Variants in SERGEF observed in about 807,000 individuals in gnomAD.
SERGEF encodes secretion-regulating guanine nucleotide exchange factor.
Under a neutral mutation model 50.0 loss-of-function variants are expected in SERGEF, and 51 were observed. The observed-to-expected ratio is 1.02, with a 90% CI of 0.81 to 1.29. The LOEUF (loss-of-function observed/expected upper bound fraction) is 1.29. Ranked by LOEUF, SERGEF falls within the 50% of genes most tolerant of loss-of-function variation. The pLI, the probability that SERGEF is intolerant of heterozygous loss-of-function variation, is 0.00. For synonymous variants in SERGEF, 205 were observed against 212.4 expected, an observed-to-expected ratio of 0.97 and a Z score of 0.30; for missense variants, 521 against 557.0, an observed-to-expected ratio of 0.94 and a Z score of 0.65.
At chr11:18,003,254 T>A (rs1418606020) in intron 4 of SERGEF, among the ~76,000 whole-genome samples, 1 of 152,208 alleles carries the variant, frequency 6.6e-6, no homozygotes, top group Non-Finnish European at 1.5e-5. Flanking sequence ...TCATTTTTGA[T>A]TCAAGCATAT....
chr11:17,885,061 C>T (rs1851403417), intron 9 of SERGEF, among the ~76,000 whole-genome samples: 1 of 152,218 alleles, frequency 6.6e-6, no homozygotes, highest in African/African-American at 2.4e-5. Flanking sequence ...TCCTCCTCCT[C>T]TGATACTCTC....
intron 10 of SERGEF, among the ~76,000 whole-genome samples, chr11:17,831,915 C>T (rs1850315476): frequency 6.6e-6 from 1 of 152,176 alleles, no homozygotes; most frequent in East Asian, 1.9e-4. Flanking sequence ...CATCTCAAGG[C>T]TCTCCCTGAC....
At chr11:17,851,360 C>G (rs1332335183) in intron 10 of SERGEF, among the ~76,000 whole-genome samples, 2 of 152,120 alleles carry the variant, frequency 1.3e-5, no homozygotes, top group African/African-American at 4.8e-5. Context: ...AACCACATTC[C>G]TACTTACCAG....
chr11:17,793,033 GGTCCCACCTTACCACACAACT>G (rs1195879150), intron 10 of SERGEF, among the ~76,000 whole-genome samples: 1 of 152,158 alleles, frequency 6.6e-6, no homozygotes, highest in African/African-American at 2.4e-5. Context: ...ATGCTGTCCT[GGTCCCACCTTACCACACAACT>G]GTGTGATAAT....
intron 7 of SERGEF, 117 bp from the exon 8 acceptor site, chr11:17,988,872 A>C (rs1205530667): frequency 1.0e-6 from 1 of 981,864 alleles, no homozygotes; most frequent in Non-Finnish European, 1.5e-6. Context: ...CTTAGACTAC[A>C]AGGTTGAGTG....
At chr11:17,944,074 C>A (rs1565211532) in intron 9 of SERGEF, among the ~76,000 whole-genome samples, 1 of 152,220 alleles carries the variant, frequency 6.6e-6, no homozygotes, top group Non-Finnish European at 1.5e-5. Flanking sequence ...ACTACAGGCA[C>A]GTGCCACCAT....
chr11:17,965,141 G>A (rs552440817), intron 8 of SERGEF, among the ~76,000 whole-genome samples: 23 of 152,318 alleles, frequency 1.5e-4, no homozygotes, highest in African/African-American at 5.5e-4. Context: ...GACCTGGTGG[G>A]AGGTAATTGA....
At chr11:17,831,408 G>C (rs1204790584) in intron 10 of SERGEF, among the ~76,000 whole-genome samples, 1 of 152,190 alleles carries the variant, frequency 6.6e-6, no homozygotes, top group African/African-American at 2.4e-5. Context: ...CACAGGATGG[G>C]AGGCAAGTCA....
At chr11:17,975,293 A>G (rs992769813) in intron 8 of SERGEF, among the ~76,000 whole-genome samples, 4 of 152,198 alleles carry the variant, frequency 2.6e-5, no homozygotes, top group African/African-American at 9.7e-5. Context: ...GGATTAAACA[A>G]ATGTTTGTAA....
intron 9 of SERGEF, among the ~76,000 whole-genome samples, chr11:17,887,352 A>C (rs936229621): frequency 6.6e-6 from 1 of 152,192 alleles, no homozygotes; most frequent in African/African-American, 2.4e-5. Context: ...ACAACAATAC[A>C]TCTGGATTTC....
At chr11:17,872,762 T>TA (rs1851165732) in intron 10 of SERGEF, among the ~76,000 whole-genome samples, 2 of 152,108 alleles carry the variant, frequency 1.3e-5, no homozygotes, top group Admixed American at 6.5e-5. Context: ...ACTAGTTAAA[T>TA]AAATCAAGAT....
At chr11:17,930,919 G>A (rs1372109724) in intron 9 of SERGEF, among the ~76,000 whole-genome samples, 4 of 152,166 alleles carry the variant, frequency 2.6e-5, no homozygotes, top group African/African-American at 9.6e-5. Context: ...CTTCAATCAC[G>A]CACACCACTG....
intron 9 of SERGEF, among the ~76,000 whole-genome samples, chr11:17,890,236 T>C (rs1400454806): frequency 1.3e-5 from 2 of 151,986 alleles, no homozygotes; most frequent in Non-Finnish European, 2.9e-5. Flanking sequence ...ATGCAATGGG[T>C]CGGTTTCATA....
At chr11:17,982,175 G>A (rs576128630) in intron 8 of SERGEF, among the ~76,000 whole-genome samples, 44 of 152,192 alleles carry the variant, frequency 2.9e-4, no homozygotes, top group African/African-American at 7.5e-4. Flanking sequence ...TAGTTAAGTC[G>A]TCCACACTTC....
intron 9 of SERGEF, among the ~76,000 whole-genome samples, chr11:17,919,983 C>G (rs1852122789): frequency 6.7e-6 from 1 of 149,104 alleles, no homozygotes; most frequent in Admixed American, 6.7e-5. Flanking sequence ...CACGGTGGCT[C>G]ACGCCTGTAA....
chr11:17,974,705 G>T (rs1326552752), intron 8 of SERGEF, among the ~76,000 whole-genome samples: 4 of 152,020 alleles, frequency 2.6e-5, no homozygotes, highest in Non-Finnish European at 4.4e-5. Context: ...TCTCTCACTG[G>T]GCTTCTGTTT....
At chr11:17,832,222 G>A (rs1204579781) in intron 10 of SERGEF, among the ~76,000 whole-genome samples, 1 of 152,138 alleles carries the variant, frequency 6.6e-6, no homozygotes, top group Non-Finnish European at 1.5e-5. Context: ...TGAATCATGG[G>A]GGCAAATCAT....
chr11:17,896,755 TAAGGG>T (rs1272542754), intron 9 of SERGEF, among the ~76,000 whole-genome samples: 891 of 35,510 alleles, frequency 0.025, 35 homozygotes, highest in Middle Eastern at 0.083. Flanking sequence ...AACGGAAGGG[TAAGGG>T]AAGGGAAGGG....
chr11:17,896,878 G>A (rs1475633998), intron 9 of SERGEF, among the ~76,000 whole-genome samples: 1 of 14,272 alleles, frequency 7.0e-5, no homozygotes, highest in Non-Finnish European at 1.4e-4. Flanking sequence ...GAAGGGAAGG[G>A]AAGGGAAGGG....
Sources: gnomAD v4.1 joint callset for allele counts (sites outside exome capture counted in the v4.1 genomes callset) on GRCh38, gnomAD v4.1.1 for gene constraint, MANE v1.5 for transcripts, NCBI Gene and HGNC (gene_info 2026-07-23, HGNC 2026-07-21) for gene names.